SNTG1: variants seen among roughly 807,000 people sequenced by gnomAD.
SNTG1 encodes the protein gamma-1-syntrophin.
SNTG1 carries 39 observed loss-of-function variants against 74.7 expected under a neutral mutation model. That is an observed-to-expected ratio of 0.52 (90% CI 0.40 to 0.68). The LOEUF is 0.68. SNTG1 is among the 30% of genes least tolerant of loss of function. SNTG1 has a pLI of 0.00. For synonymous variants in SNTG1, 254 were observed against 217.1 expected (o/e 1.17, Z -1.49); for missense variants, 685 against 609.5 (o/e 1.12, Z -1.30).
intron 1 of SNTG1, among the ~76,000 whole-genome samples, chr8:50,008,875 GCAAA>G (rs1276917653): frequency 6.6e-6 from 1 of 152,026 alleles, no homozygotes; most frequent in African/African-American, 2.4e-5. Context: ...GTTCATAGTT[GCAAA>G]ATCAAATCAA....
At chr8:50,479,463 CT>C (rs1286357156) in intron 8 of SNTG1, among the ~76,000 whole-genome samples, 1 of 151,962 alleles carries the variant, frequency 6.6e-6, no homozygotes, top group Non-Finnish European at 1.5e-5. Context: ...TAGTGCCTGT[CT>C]TCTGCTTACT....
intron 2 of SNTG1, among the ~76,000 whole-genome samples, chr8:50,376,756 T>TATATATATAGAGAGAGAGAGAG (rs1381048539): frequency 2.2e-4 from 20 of 89,954 alleles, no homozygotes; most frequent in Non-Finnish European, 4.0e-4. Context: ...TATATATATA[T>TATATATATAGAGAGAGAGAGAG]AGAGAGAGAG....
intron 8 of SNTG1, among the ~76,000 whole-genome samples, chr8:50,488,983 T>A (rs1453152327): frequency 6.6e-6 from 1 of 152,104 alleles, no homozygotes; most frequent in African/African-American, 2.4e-5. Flanking sequence ...TGTGTCCCTG[T>A]GTTCTCATTG....
intron 2 of SNTG1, among the ~76,000 whole-genome samples, chr8:50,305,205 C>G (rs1259589600): frequency 1.3e-5 from 2 of 152,078 alleles, no homozygotes; most frequent in Non-Finnish European, 2.9e-5. Flanking sequence ...TTATATTTCT[C>G]ACATTGTCTT....
intron 13 of SNTG1, among the ~76,000 whole-genome samples, chr8:50,652,523 G>T (rs2131243537): frequency 6.6e-6 from 1 of 152,228 alleles, no homozygotes; most frequent in East Asian, 1.9e-4. Flanking sequence ...TCAGGCCGGT[G>T]CAGTGGCTCA....
chr8:50,113,992 A>C (rs2080714009), intron 1 of SNTG1, among the ~76,000 whole-genome samples: 1 of 152,038 alleles, frequency 6.6e-6, no homozygotes, highest in African/African-American at 2.4e-5. Flanking sequence ...TTATCATAGA[A>C]AAAATCTAAT....
chr8:50,757,390 T>A (rs536119274), intron 18 of SNTG1, among the ~76,000 whole-genome samples: 2 of 151,876 alleles, frequency 1.3e-5, no homozygotes, highest in South Asian at 4.1e-4. Flanking sequence ...TAAGGATTGT[T>A]ACGTCTTTTT....
At chr8:50,461,834 C>G (rs2093565900) in intron 8 of SNTG1, among the ~76,000 whole-genome samples, 1 of 152,078 alleles carries the variant, frequency 6.6e-6, no homozygotes, top group African/African-American at 2.4e-5. Context: ...GACATTTCCC[C>G]TAGAAGTTCT....
intron 8 of SNTG1, among the ~76,000 whole-genome samples, chr8:50,489,742 A>T (rs565729399): frequency 6.6e-6 from 1 of 152,246 alleles, no homozygotes; most frequent in Admixed American, 6.5e-5. Flanking sequence ...CATACCGATG[A>T]TAGTTTCTTT....
At chr8:50,719,231 A>G (rs943578386) in intron 17 of SNTG1, among the ~76,000 whole-genome samples, 1 of 152,216 alleles carries the variant, frequency 6.6e-6, no homozygotes, top group Non-Finnish European at 1.5e-5. Context: ...ACCTCATGTG[A>G]TAGCATTAGG....
At chr8:50,115,733 T>C (rs886386621) in intron 1 of SNTG1, among the ~76,000 whole-genome samples, 2 of 152,008 alleles carry the variant, frequency 1.3e-5, no homozygotes, top group African/African-American at 2.4e-5. Flanking sequence ...CATTGCATTT[T>C]ATTGTTTACA....
At chr8:50,757,767 A>C (rs1050778815) in intron 18 of SNTG1, among the ~76,000 whole-genome samples, 6 of 151,890 alleles carry the variant, frequency 4.0e-5, no homozygotes, top group African/African-American at 1.4e-4. Flanking sequence ...TTAGTCTTCC[A>C]TGTTTTACAG....
chr8:50,518,161 A>G (rs2094149460), intron 9 of SNTG1, among the ~76,000 whole-genome samples: 1 of 152,156 alleles, frequency 6.6e-6, no homozygotes, highest in South Asian at 2.1e-4. Context: ...CTCACTCAAA[A>G]CCACACAACT....
At chr8:49,976,878 A>G (rs1812242359) in intron 1 of SNTG1, among the ~76,000 whole-genome samples, 1 of 152,162 alleles carries the variant, frequency 6.6e-6, no homozygotes, top group Non-Finnish European at 1.5e-5. Context: ...TTTTGAAGAG[A>G]TCATTCTGGC....
Position 49,944,438 on chromosome 8 carries a change from T to A in SNTG1, c.-103+32207T>A, listed in dbSNP as rs561083844. ...ATTCTTTCTTTCTTTCTTTCTTTTT[T>A]AAGATGGAAATCATCATTCTCAGTA... On this transcript the variant is annotated intron_variant, in intron 1 of 18. Coordinates refer to ENST00000642720, the MANE Select transcript of SNTG1 (RefSeq NM_018967.5). Among the ~76,000 whole-genome samples, 16 of 152,004 alleles carry A rather than the reference T, an allele frequency of 1.1e-4. 1 individual carries two copies. In the East Asian group the frequency reaches 2.7e-3, roughly 26 times the overall value.
At chr8:50,018,192 T>G (rs112920140) in intron 1 of SNTG1, among the ~76,000 whole-genome samples, 1 of 151,982 alleles carries the variant, frequency 6.6e-6, no homozygotes, top group African/African-American at 2.4e-5. Context: ...GGAAAGATAA[T>G]GATTCAGAAT....
intron 3 of SNTG1, among the ~76,000 whole-genome samples, chr8:50,398,804 A>T (rs4535749): frequency 6.6e-6 from 1 of 152,030 alleles, no homozygotes; most frequent in Non-Finnish European, 1.5e-5. Flanking sequence ...CATGGCAGGC[A>T]CCTGTAATCC....
intron 13 of SNTG1, among the ~76,000 whole-genome samples, chr8:50,629,315 T>C (rs2094979578): frequency 6.6e-6 from 1 of 152,158 alleles, no homozygotes; most frequent in Non-Finnish European, 1.5e-5. Context: ...TTTTTTGTTT[T>C]GAAATAATAT....
intron 1 of SNTG1, among the ~76,000 whole-genome samples, chr8:50,103,085 A>C (rs2080212401): frequency 6.6e-6 from 1 of 151,998 alleles, no homozygotes; most frequent in Non-Finnish European, 1.5e-5. Flanking sequence ...AGTTTTTTCC[A>C]ATTCTGTGAA....
Sources: allele counts gnomAD v4.1 joint callset (sites outside exome capture counted in the v4.1 genomes callset), GRCh38; gene constraint gnomAD v4.1.1; transcripts MANE v1.5; gene names NCBI Gene and HGNC (gene_info 2026-07-23, HGNC 2026-07-21).